The following QTRT1 variants were observed in gnomAD, a reference collection of about 807,000 sequenced individuals.
QTRT1 encodes TGT, 43-KD subunit.
Under a neutral mutation model 44.0 loss-of-function variants are expected in QTRT1, and 41 were observed. The observed-to-expected ratio is 0.93, with a 90% confidence interval of 0.73 to 1.21. The LOEUF (loss-of-function observed/expected upper bound fraction) is 1.21, where lower values mean the gene tolerates loss of function less well. Ranked by LOEUF, QTRT1 falls within the 50% of genes most tolerant of loss-of-function variation. QTRT1 has a pLI of 0.00. For synonymous variants in QTRT1, 226 were observed against 237.1 expected (o/e 0.95, Z 0.43); for missense variants, 542 against 575.8 (o/e 0.94, Z 0.60).
Position 10,712,036 on chromosome 19 carries a change from T to C in QTRT1, c.647-125T>C, listed in dbSNP as rs1599396729. On this transcript the variant is annotated intron_variant, in intron 5 of 9. Transcript: ENST00000250237. The surrounding 1 kb of genome is among the most constrained non-coding windows in gnomAD (Gnocchi z 5.6). The stretch of plus-strand genomic sequence containing the variant: ...CTCTCCGTCTCTGGCTCTGTCTGTC[T>C]GTCTCTGTCTGTTTCTCTGACTCTC... The C allele has an allele frequency of 1.6e-6, 2 of 1,212,392 alleles. No individual in the cohort carries two copies. The highest frequency in any genetic ancestry group is 4.7e-5 in the East Asian group (2 of 42,644). 75.1% of individuals were successfully genotyped at this position (1,212,392 alleles called of 1,614,324 possible). A position where few individuals can be genotyped will look rare whatever the true frequency, so the allele number is the denominator to read the frequency against.
In QTRT1 at chr19:10,707,327, C is replaced by T. The variant is rs151104617; in HGVS notation, c.477C>T (p.Asp159=). The change falls in exon 4 of 10, where the codon GAC becomes GAT. Residue 159 remains aspartate (D), a synonymous_variant. Coordinates refer to ENST00000250237, the MANE Select transcript of QTRT1 (RefSeq NM_031209.3). Reference sequence around the variant, plus strand: ...GCTCGGACATCATCATGCAGCTGGACGACGTGGTTAGCAGTACTGTGACTG... The same window carrying T: ...GCTCGGACATCATCATGCAGCTGGATGACGTGGTTAGCAGTACTGTGACTG... ...ALGSDIIMQL[D]DVVSSTVTGP... 1.7e-5 allele frequency: 27 copies of T among 1,614,014 alleles called. No homozygotes were observed. Among genetic ancestry groups the T allele is most frequent in the Middle Eastern group, 3.3e-4 (2 of 6,084 alleles).
At chr19:10,703,115 T>A (rs1316033300) in intron 3 of QTRT1, among the ~76,000 whole-genome samples, 2 of 120,888 alleles carry the variant, frequency 1.7e-5, no homozygotes, top group Non-Finnish European at 3.2e-5. Context: ...CAGGCTGGAG[T>A]GCAATGGTGT....
chr19:10,712,537 A>G lies in QTRT1; in HGVS notation c.786-16A>G, dbSNP rs761432113. The stretch of plus-strand genomic sequence containing the variant: ...CTGAGGTTCTCTGCCCCCTCCCGTC[A>G]TGGCTGCAACCCCAGCTATGCCACT... On this transcript the variant is annotated splice_polypyrimidine_tract_variant and intron_variant, in intron 6 of 9. Transcript: ENST00000250237. The surrounding 1 kb of genome is among the most constrained non-coding windows in gnomAD (Gnocchi z 5.6). 17 of 1,610,924 alleles carry G rather than the reference A, an allele frequency of 1.1e-5. No homozygotes were observed. The highest frequency in any genetic ancestry group is 1.3e-5 in the African/African-American group (1 of 74,844).
At position 10,712,716 on chromosome 19, in the gene QTRT1, G is replaced by T. The variant is rs2068744640; in HGVS notation, c.862-42G>T. 1 of 1,348,014 alleles carries T rather than the reference G, an allele frequency of 7.4e-7. No homozygotes were observed. The highest frequency in any genetic ancestry group is 1.8e-4 in the Middle Eastern group (1 of 5,534). The allele number at this position is 1,348,014 out of a possible 1,614,324, so 83.5% of individuals were successfully genotyped here. ...AGGGGTGGGGGGTGGGGAGAATGAA[G>T]CCCTGGGTGACGCCCCTTTCCCTGC... is the stretch of plus-strand genomic sequence containing the variant. On this transcript the variant is annotated intron_variant, in intron 7 of 9. Coordinates refer to ENST00000250237, the MANE Select transcript of QTRT1 (RefSeq NM_031209.3). This position sits in a 1 kb window ranked among gnomAD's most constrained non-coding sequence, Gnocchi z 5.6.
In QTRT1 at chr19:10,710,334, G is replaced by C. The variant is rs537011641; in HGVS notation, c.647-1827G>C. Among the ~76,000 whole-genome samples the C allele has an allele frequency of 3.1e-4, 47 of 151,520 alleles. No homozygotes were observed. The South Asian group carries it at 4.0e-3, about 13-fold the overall frequency. The stretch of plus-strand genomic sequence containing the variant: ...ATTTTTATTTATTTTTTATTTTTTT[G>C]AGATGGAGTTTTGCTCTTGTTGTCC... On this transcript the variant is annotated intron_variant, in intron 5 of 9. Coordinates refer to ENST00000250237, the MANE Select transcript of QTRT1 (RefSeq NM_031209.3).
intron 3 of QTRT1, among the ~76,000 whole-genome samples, chr19:10,703,009 TC>T (rs1294515767): frequency 6.6e-6 from 1 of 150,706 alleles, no homozygotes; most frequent in African/African-American, 2.4e-5. Flanking sequence ...GCTCAGGTGA[TC>T]CGCCTGCCTC....
intron 5 of QTRT1, chr19:10,711,177 C>T (rs8102099): frequency 1 from 152,180 of 152,542 alleles, 75,910 homozygotes; most frequent in East Asian, 1. Flanking sequence ...GTTGTTGTTT[C>T]GTTTTGTTTT....
chr19:10,702,090 C>T, intron 2 of QTRT1, 26 bp from the exon 3 acceptor site: 1 of 1,614,182 alleles, frequency 6.2e-7, no homozygotes, highest in Non-Finnish European at 8.5e-7. Context: ...CACCCCCTGA[C>T]AGCTTTGCGG....
chr19:10,704,515 C>T (rs1236879990), intron 3 of QTRT1, among the ~76,000 whole-genome samples: 2 of 151,396 alleles, frequency 1.3e-5, no homozygotes, highest in Non-Finnish European at 2.9e-5. Flanking sequence ...AGGATGGTCT[C>T]GATCTCCTGA....
chr19:10,701,724 C>T (rs1396243488), intron 1 of QTRT1, 21 bp downstream of exon 1: 2 of 1,563,984 alleles, frequency 1.3e-6, no homozygotes, highest in Middle Eastern at 1.7e-4. Context: ...TCTGCCCGCG[C>T]GGGGAGGCGG....
chr19:10,703,903 T>C (rs1265356844), intron 3 of QTRT1, among the ~76,000 whole-genome samples: 1 of 150,756 alleles, frequency 6.6e-6, no homozygotes, highest in African/African-American at 2.4e-5. Flanking sequence ...TAGAGTACAG[T>C]GGCACAATCT....
Position 10,712,027 on chromosome 19 carries a change from C to T in QTRT1, c.647-134C>T. ...TCCGTCTCCCTCTCCGTCTCTGGCTCTGTCTGTCTGTCTCTGTCTGTTTCT... is the reference window on the plus strand; with the variant it reads ...TCCGTCTCCCTCTCCGTCTCTGGCTTTGTCTGTCTGTCTCTGTCTGTTTCT... On this transcript the variant is annotated intron_variant, in intron 5 of 9. Transcript: ENST00000250237. This position sits in a 1 kb window ranked among gnomAD's most constrained non-coding sequence, Gnocchi z 5.6. 9.0e-7 allele frequency: 1 copy of T among 1,116,072 alleles called. No homozygotes were observed. The highest frequency in any genetic ancestry group is 1.3e-6 in the Non-Finnish European group (1 of 755,342). 69.1% of individuals were successfully genotyped at this position (1,116,072 alleles called of 1,614,324 possible). A position where few individuals can be genotyped will look rare whatever the true frequency, so the allele number is the denominator to read the frequency against.
At chr19:10,710,494 T>G (rs1024076267) in intron 5 of QTRT1, among the ~76,000 whole-genome samples, 6 of 152,040 alleles carry the variant, frequency 3.9e-5, no homozygotes, top group African/African-American at 7.2e-5. Context: ...TTTTTGTATT[T>G]TTAGTAGGGA....
rs987726051 is a variant in QTRT1, at chr19:10,712,185, G to C, written c.671G>C (p.Gly224Ala). The stretch of plus-strand genomic sequence containing the variant: ...GAGATGACCAAGCGAGACGTGCCTG[G>C]CTTCGCCATCGGGGGCCTGAGCGGG... ...LEEMTKRDVPGFAIGGLSGGE... is the reference protein window; with the variant it reads ...LEEMTKRDVPAFAIGGLSGGE... The change falls in exon 6 of 10, where the codon GGC becomes GCC. Residue 224 changes from glycine to alanine, a missense_variant. By Grantham distance (60) the Gly-to-Ala change is moderately conservative. Coordinates refer to ENST00000250237, the MANE Select transcript of QTRT1 (RefSeq NM_031209.3). The surrounding 1 kb of genome is among the most constrained non-coding windows in gnomAD (Gnocchi z 5.6). The C allele has an allele frequency of 3.1e-6, 5 of 1,613,358 alleles. No homozygotes were observed. Among genetic ancestry groups the C allele is most frequent in the Non-Finnish European group, 4.2e-6 (5 of 1,180,054 alleles).
intron 5 of QTRT1, among the ~76,000 whole-genome samples, chr19:10,709,557 C>G (rs950133227): frequency 1.3e-5 from 2 of 152,064 alleles, no homozygotes; most frequent in Admixed American, 1.3e-4. Context: ...ACTAAAAATA[C>G]AAAAATTAGG....
chr19:10,712,671 G>A lies in QTRT1; in HGVS notation c.861+43G>A, dbSNP rs1403538048. 7 of 1,210,692 alleles carry A rather than the reference G, an allele frequency of 5.8e-6. No individual in the cohort carries two copies. The highest frequency in any genetic ancestry group is 6.9e-6 in the Non-Finnish European group (6 of 875,254). The allele number at this position is 1,210,692 out of a possible 1,614,324, so 75.0% of individuals were successfully genotyped here. A position where few individuals can be genotyped will look rare whatever the true frequency, so the allele number is the denominator to read the frequency against. ...GGAGGTCAGGGCGGGAGACGGGTGGGGGACTAGGGAGGCAAGGTTAGGGGT... is the reference window on the plus strand; with the variant it reads ...GGAGGTCAGGGCGGGAGACGGGTGGAGGACTAGGGAGGCAAGGTTAGGGGT... On this transcript the variant is annotated intron_variant, in intron 7 of 9. Coordinates refer to ENST00000250237, the MANE Select transcript of QTRT1 (RefSeq NM_031209.3). The surrounding 1 kb of genome is among the most constrained non-coding windows in gnomAD (Gnocchi z 5.6).
At chr19:10,707,204 G>A in intron 3 of QTRT1, 98 bp from the exon 4 acceptor site, 1 of 1,188,900 alleles carries the variant, frequency 8.4e-7, no homozygotes, top group African/African-American at 1.5e-5. Context: ...GGGATGGGGG[G>A]ATGCTCTTGG....
In QTRT1 at chr19:10,712,292, G is replaced by T. The variant is rs375467277; in HGVS notation, c.778G>T (p.Gly260Trp). 4.3e-6 allele frequency: 7 copies of T among 1,611,450 alleles called. No homozygotes were observed. The African/African-American group carries it at 9.3e-5, about 22-fold the overall frequency. Residue 260 changes from glycine to tryptophan, a missense_variant, in exon 6 of 10, where the codon GGG (glycine) becomes TGG (tryptophan). Coordinates refer to ENST00000250237, the MANE Select transcript of QTRT1 (RefSeq NM_031209.3). The surrounding 1 kb of genome is among the most constrained non-coding windows in gnomAD (Gnocchi z 5.6). ...GAAGGACAAGCCCCGATATCTGATG[G>T]GGGTTGGGTATGTTGTGGATAGGGA... ...LPKDKPRYLM[G>W]VGYATDLVVC... is the part of the protein sequence containing the mutation.
chr19:10,707,241 G>A (rs569265671), intron 3 of QTRT1, 61 bp from the exon 4 acceptor site: 50 of 1,553,626 alleles, frequency 3.2e-5, no homozygotes, highest in African/African-American at 4.1e-5. Context: ...CCCATGTGAC[G>A]GCAGGCTTTC....
Sources: allele counts gnomAD v4.1 joint callset (sites outside exome capture counted in the v4.1 genomes callset), GRCh38; gene constraint gnomAD v4.1.1; non-coding constraint Gnocchi (gnomAD v3.1); transcripts MANE v1.5; gene names NCBI Gene and HGNC (gene_info 2026-07-23, HGNC 2026-07-21).